CD2AP: variants seen among roughly 807,000 people sequenced by gnomAD.
CD2AP encodes CD2-associated protein.
In CD2AP, 46 loss-of-function variants were observed where a neutral mutation model predicts 85.1. The ratio of observed to expected loss-of-function variants is 0.54; its 90% CI spans 0.43 to 0.69. CD2AP has a LOEUF of 0.69. Among genes scored for constraint, CD2AP ranks in the 30% least tolerant of loss-of-function variants. CD2AP has a pLI of 0.00. For missense variants in CD2AP, 769 were observed against 729.5 expected, an observed-to-expected ratio of 1.05 and a Z score of -0.62; for synonymous variants, 255 against 252.9, an observed-to-expected ratio of 1.01 and a Z score of -0.08.
At chr6:47,607,903 C>A (rs1318384480) in intron 14 of CD2AP, 24 bp from the exon 15 acceptor site, 1 of 1,533,374 alleles carries the variant, frequency 6.5e-7, no homozygotes, top group Admixed American at 1.7e-5. Context: ...TATTATGTCT[C>A]TTGACTTCTA....
At chr6:47,582,895 G>T (rs1321817030) in intron 11 of CD2AP, among the ~76,000 whole-genome samples, 1 of 150,292 alleles carries the variant, frequency 6.7e-6, no homozygotes, top group East Asian at 2.0e-4. Flanking sequence ...CCATTCTCCT[G>T]CCTCAGCCTC....
chr6:47,480,466 A>AG (rs1765414572), intron 1 of CD2AP, among the ~76,000 whole-genome samples: 1 of 152,214 alleles, frequency 6.6e-6, no homozygotes. Flanking sequence ...TCTTAAGTTT[A>AG]GGTGGTACAG....
At chr6:47,617,205 T>A (rs1488917727) in intron 17 of CD2AP, among the ~76,000 whole-genome samples, 1 of 152,112 alleles carries the variant, frequency 6.6e-6, no homozygotes, top group Non-Finnish European at 1.5e-5. Flanking sequence ...CCTCAAGTGA[T>A]CCTCCCACTT....
At chr6:47,542,447 AT>A (rs1232743435) in intron 3 of CD2AP, among the ~76,000 whole-genome samples, 2 of 152,198 alleles carry the variant, frequency 1.3e-5, no homozygotes, top group Admixed American at 1.3e-4. Context: ...TTGAAATTTA[AT>A]TTCCATTGTG....
At chr6:47,500,808 A>G (rs1276290459) in intron 1 of CD2AP, among the ~76,000 whole-genome samples, 1 of 149,496 alleles carries the variant, frequency 6.7e-6, no homozygotes, top group Non-Finnish European at 1.5e-5. Context: ...GTGCAGTGGC[A>G]CAATCTTGGC....
At chr6:47,558,282 T>A (rs1366923458) in intron 5 of CD2AP, among the ~76,000 whole-genome samples, 1 of 152,166 alleles carries the variant, frequency 6.6e-6, no homozygotes, top group Non-Finnish European at 1.5e-5. Flanking sequence ...ACAGAGATAA[T>A]TTTACTTCCT....
At chr6:47,517,781 G>T (rs1766491254) in intron 2 of CD2AP, among the ~76,000 whole-genome samples, 2 of 152,010 alleles carry the variant, frequency 1.3e-5, no homozygotes, top group Non-Finnish European at 2.9e-5. Context: ...GTGTTTCCCT[G>T]GGTAAGTTAT....
chr6:47,552,935 T>A (rs1373689689), intron 4 of CD2AP, among the ~76,000 whole-genome samples: 2 of 152,190 alleles, frequency 1.3e-5, no homozygotes, highest in Admixed American at 6.5e-5. Context: ...ATAGTTTTAC[T>A]TTTATTCAGC....
At chr6:47,566,458 C>A (rs1437173094) in intron 5 of CD2AP, among the ~76,000 whole-genome samples, 1 of 151,776 alleles carries the variant, frequency 6.6e-6, no homozygotes, top group African/African-American at 2.4e-5. Context: ...ACACTTTTGT[C>A]AAGTGAAATC....
At chr6:47,579,043 G>A (rs778764132) in intron 8 of CD2AP, among the ~76,000 whole-genome samples, 10 of 152,190 alleles carry the variant, frequency 6.6e-5, no homozygotes, top group South Asian at 2.1e-4. Flanking sequence ...AAAACTAAAC[G>A]CAATTTTGTA....
intron 13 of CD2AP, among the ~76,000 whole-genome samples, chr6:47,604,790 A>T (rs1273546210): frequency 6.6e-6 from 1 of 152,036 alleles, no homozygotes; most frequent in African/African-American, 2.4e-5. Context: ...GTTATATTTC[A>T]TGATTATTTA....
intron 10 of CD2AP, 42 bp downstream of exon 10, chr6:47,580,942 T>G (rs1768462143): frequency 7.1e-7 from 1 of 1,401,524 alleles, no homozygotes; most frequent in Non-Finnish European, 1.0e-6. Context: ...TTTTCCATTT[T>G]TTAAAATTCT....
chr6:47,520,541 C>T (rs1006375371), intron 2 of CD2AP, among the ~76,000 whole-genome samples: 22 of 151,984 alleles, frequency 1.4e-4, no homozygotes, highest in Non-Finnish European at 2.9e-4. Context: ...GGTTTGTTTT[C>T]ACCTAGTGTG....
intron 5 of CD2AP, among the ~76,000 whole-genome samples, chr6:47,557,901 A>G (rs1767740146): frequency 6.6e-6 from 1 of 152,212 alleles, no homozygotes; most frequent in Admixed American, 6.5e-5. Context: ...CATCAAATCT[A>G]TAAATTACTT....
chr6:47,588,585 A>G (rs997524003), intron 11 of CD2AP, among the ~76,000 whole-genome samples: 4 of 152,162 alleles, frequency 2.6e-5, no homozygotes, highest in Admixed American at 6.6e-5. Context: ...AGCAAAGAAC[A>G]GAAAATCCTT....
rs1303083529 is a variant in CD2AP, at chr6:47,625,325, ATATTTTGAAC to A, written c.*1103_*1112del. 1.3e-5 allele frequency: 2 copies of A among 151,964 alleles called. No homozygotes were observed. Among genetic ancestry groups the A allele is most frequent in the African/African-American group, 4.8e-5 (2 of 41,442 alleles). The allele number at this position is 151,964 out of a possible 1,614,324, so 9.4% of individuals were successfully genotyped here. A position where few individuals can be genotyped will look rare whatever the true frequency, so the allele number is the denominator to read the frequency against. On this transcript the variant is annotated 3_prime_UTR_variant, in exon 18 of 18. Transcript: ENST00000359314. The stretch of plus-strand genomic sequence containing the variant: ...TAATAGACCAAACTAACTCATGGAG[ATATTTTGAAC>A]TATTATTTAGGTACAAACTTTATAA...
At chr6:47,507,614 T>C (rs1766207457) in intron 2 of CD2AP, among the ~76,000 whole-genome samples, 1 of 152,114 alleles carries the variant, frequency 6.6e-6, no homozygotes, top group South Asian at 2.1e-4. Flanking sequence ...CCCAGCTAAT[T>C]GTTTGTATTT....
rs147733484 is a variant in CD2AP at position 47,493,999 on chromosome 6, AT to A, written c.5-9280del. 8.8e-3 allele frequency among the ~76,000 whole-genome samples: 1,334 copies of A among 152,136 alleles called. 25 individuals carry two copies. The highest frequency in any genetic ancestry group is 0.031 in the African/African-American group (1,266 of 41,500). On this transcript the variant is annotated intron_variant, in intron 1 of 17. Transcript: ENST00000359314. ...TTATGTTATCACCCTTAGCATATTA[AT>A]CATAGTTATTTTAAATTTCCTGTCA...
intron 2 of CD2AP, among the ~76,000 whole-genome samples, chr6:47,522,346 T>C (rs1469265597): frequency 2.0e-5 from 3 of 152,214 alleles, no homozygotes; most frequent in Admixed American, 1.3e-4. Flanking sequence ...GGGGATTCAA[T>C]CTGTGAACAG....
Sources: gnomAD v4.1 joint callset for allele counts (sites outside exome capture counted in the v4.1 genomes callset) on GRCh38, gnomAD v4.1.1 for gene constraint, MANE v1.5 for transcripts, NCBI Gene and HGNC (gene_info 2026-07-23, HGNC 2026-07-21) for gene names.